SLC7A11: variants seen among roughly 807,000 people sequenced by gnomAD.
The protein encoded by SLC7A11 is cystine/glutamate transporter.
A neutral mutation model predicts 54.5 loss-of-function variants in SLC7A11; 35 were observed. The observed-to-expected ratio is 0.64, with a 90% CI of 0.49 to 0.85. SLC7A11 has a LOEUF of 0.85. SLC7A11 is among the 40% of genes least tolerant of loss of function. The pLI is 0.00. For missense variants in SLC7A11, 583 were observed against 618.1 expected, an observed-to-expected ratio of 0.94 and a Z score of 0.60; for synonymous variants, 230 against 225.2, an observed-to-expected ratio of 1.02 and a Z score of -0.19.
intron 6 of SLC7A11, among the ~76,000 whole-genome samples, chr4:138,206,234 GTC>G (rs919327129): frequency 1.3e-5 from 2 of 149,974 alleles, no homozygotes; most frequent in Non-Finnish European, 3.0e-5. Flanking sequence ...CTCTCTCTCT[GTC>G]TCTCTCTCTC....
At chr4:138,184,149 T>C (rs576019772) in intron 7 of SLC7A11, among the ~76,000 whole-genome samples, 3 of 152,256 alleles carry the variant, frequency 2.0e-5, no homozygotes, top group Admixed American at 6.5e-5. Flanking sequence ...GCCCTTTGTC[T>C]CAAAAGATGA....
intron 3 of SLC7A11, among the ~76,000 whole-genome samples, chr4:138,231,837 G>A (rs772863889): frequency 5.0e-4 from 76 of 152,000 alleles, no homozygotes; most frequent in Non-Finnish European, 3.8e-4. Context: ...TATAACACTG[G>A]GAGTGACAGC....
rs752680028 is a variant in SLC7A11, at chr4:138,170,271, T to TATACACACACACACACAATATATATAC, written c.*1684_*1685insGTATATATATTGTGTGTGTGTGTGTAT. 1 of 86,210 alleles carries TATACACACACACACACAATATATATAC rather than the reference T, an allele frequency of 1.2e-5. No individual in the cohort carries two copies. The highest frequency in any genetic ancestry group is 4.2e-5 in the African/African-American group (1 of 23,752). The allele number at this position is 86,210 out of a possible 1,614,324, so 5.3% of individuals were successfully genotyped here. A position where few individuals can be genotyped will look rare whatever the true frequency, so the allele number is the denominator to read the frequency against. ...GTGTGTATATATATATATATATATA[T>TATACACACACACACACAATATATATAC]ACACACACACACACACACACACATA... On this transcript the variant is annotated 3_prime_UTR_variant, in exon 12 of 12. Coordinates refer to ENST00000280612, the MANE Select transcript of SLC7A11 (RefSeq NM_014331.4).
chr4:138,197,444 C>G (rs1194275047), intron 6 of SLC7A11, among the ~76,000 whole-genome samples: 1 of 151,916 alleles, frequency 6.6e-6, no homozygotes, highest in Non-Finnish European at 1.5e-5. Flanking sequence ...TGGGAAGTTA[C>G]TTTAATTAGT....
At chr4:138,214,282 T>G (rs1326853724) in intron 6 of SLC7A11, among the ~76,000 whole-genome samples, 1 of 152,032 alleles carries the variant, frequency 6.6e-6, no homozygotes, top group African/African-American at 2.4e-5. Context: ...TATATGTATG[T>G]GTTTATATGG....
intron 2 of SLC7A11, among the ~76,000 whole-genome samples, chr4:138,235,851 T>G (rs932182593): frequency 6.6e-6 from 1 of 152,226 alleles, no homozygotes; most frequent in African/African-American, 2.4e-5. Context: ...GCAAACTCTG[T>G]TTTTTATGAA....
chr4:138,210,998 G>A (rs184493000), intron 6 of SLC7A11, among the ~76,000 whole-genome samples: 10 of 152,074 alleles, frequency 6.6e-5, no homozygotes, highest in African/African-American at 2.4e-4. Context: ...ATCAACTTTA[G>A]TTCCCATCAA....
In SLC7A11 at chr4:138,219,457, T is replaced by C. The variant is rs182820668; in HGVS notation, c.647-92A>G. On this transcript the variant is annotated intron_variant, in intron 4 of 11. Coordinates refer to ENST00000280612, the MANE Select transcript of SLC7A11 (RefSeq NM_014331.4). ...AACATGGGGGTGCGGAGAAACATAC[T>C]GTTGTAAGTCTAGATTTCTTACTCT... 5,215 of 722,282 alleles carry C rather than the reference T, an allele frequency of 7.2e-3. 27 individuals carry two copies. Among genetic ancestry groups the C allele is most frequent in the Non-Finnish European group, 0.01 (4,198 of 410,772 alleles). 44.7% of individuals were successfully genotyped at this position (722,282 alleles called of 1,614,324 possible).
At chr4:138,237,741 T>A (rs79332216) in intron 1 of SLC7A11, among the ~76,000 whole-genome samples, 328 of 13,326 alleles carry the variant, frequency 0.025, no homozygotes, top group East Asian at 0.043. Flanking sequence ...ATATATATTT[T>A]TTTTTTTTTT....
chr4:138,199,015 G>C (rs1178750254), intron 6 of SLC7A11, among the ~76,000 whole-genome samples: 1 of 152,094 alleles, frequency 6.6e-6, no homozygotes, highest in Admixed American at 6.6e-5. Context: ...GGGCACACTT[G>C]GAAGAACCTT....
At chr4:138,193,932 C>T (rs1422973392) in intron 6 of SLC7A11, among the ~76,000 whole-genome samples, 1 of 152,094 alleles carries the variant, frequency 6.6e-6, no homozygotes, top group Non-Finnish European at 1.5e-5. Flanking sequence ...TCTATTCATA[C>T]TCTTAGAGTA....
rs939606225 is a variant in SLC7A11 at position 138,171,973 on chromosome 4, C to G, written c.1489G>C (p.Glu497Gln). Reference sequence around the variant, plus strand: ...CCATTAGTTCATAACTTATCTTCTTCTGGTACAACTTCCAGTATTATTTGT... The same window carrying G: ...CCATTAGTTCATAACTTATCTTCTTGTGGTACAACTTCCAGTATTATTTGT... ...TLQIILEVVP[E>Q]EDKL The change falls in exon 12 of 12, where the codon GAA becomes CAA. Residue 497 changes from glutamate (E) to glutamine (Q), a missense_variant. Transcript: ENST00000280612. The G allele has an allele frequency of 7.5e-6, 12 of 1,596,486 alleles. No homozygotes were observed. In the Middle Eastern group the frequency reaches 8.3e-4, roughly 110 times the overall value.
At position 138,164,807 on chromosome 4, in the gene SLC7A11, G is replaced by T. The variant is rs1208981889; in HGVS notation, c.*7149C>A. Reference sequence around the variant, plus strand: ...TCTGTTCTTGTGTTTTCAATCACTAGACCAAACCCACGATGCCCCTGAAAT... The same window carrying T: ...TCTGTTCTTGTGTTTTCAATCACTATACCAAACCCACGATGCCCCTGAAAT... On this transcript the variant is annotated 3_prime_UTR_variant, in exon 12 of 12. Transcript: ENST00000280612. The T allele has an allele frequency of 1.3e-5, 2 of 151,944 alleles. No homozygotes were observed. The highest frequency in any genetic ancestry group is 2.9e-5 in the Non-Finnish European group (2 of 67,956). The allele number at this position is 151,944 out of a possible 1,614,324, so 9.4% of individuals were successfully genotyped here. A position where few individuals can be genotyped will look rare whatever the true frequency, so the allele number is the denominator to read the frequency against.
intron 2 of SLC7A11, among the ~76,000 whole-genome samples, chr4:138,235,305 A>T (rs1439906464): frequency 1.3e-5 from 2 of 152,204 alleles, no homozygotes; most frequent in African/African-American, 4.8e-5. Flanking sequence ...AAGGAAAAAA[A>T]TACTTATTAT....
intron 2 of SLC7A11, among the ~76,000 whole-genome samples, 172 bp downstream of exon 2, chr4:138,236,152 TA>T (rs1286345906): frequency 7.9e-5 from 12 of 152,184 alleles, no homozygotes; most frequent in African/African-American, 2.2e-4. Context: ...AAAATTGCAT[TA>T]AAAATATCTT....
chr4:138,223,354 G>A (rs1737863013), intron 3 of SLC7A11, 30 bp from the exon 4 acceptor site: 1 of 1,609,702 alleles, frequency 6.2e-7, no homozygotes, highest in Non-Finnish European at 8.5e-7. Flanking sequence ...GTTACAAAAG[G>A]TGAATTCTCA....
intron 2 of SLC7A11, among the ~76,000 whole-genome samples, 180 bp downstream of exon 2, chr4:138,236,145 A>C (rs1005599453): frequency 2.6e-5 from 4 of 152,206 alleles, no homozygotes; most frequent in African/African-American, 9.6e-5. Context: ...CAGTGATAAA[A>C]TTGCATTAAA....
At chr4:138,181,679 T>C (rs192565598) in intron 9 of SLC7A11, among the ~76,000 whole-genome samples, 11 of 152,228 alleles carry the variant, frequency 7.2e-5, no homozygotes, top group African/African-American at 2.4e-4. Context: ...GAATATAACA[T>C]TGCCAATGGG....
rs201975214 is a variant in SLC7A11, at chr4:138,241,851, C to A, written c.219G>T (p.Thr73=). 92 of 1,614,010 alleles carry A rather than the reference C, an allele frequency of 5.7e-5. No homozygotes were observed. Among genetic ancestry groups the A allele is most frequent in the Non-Finnish European group, 7.5e-5 (89 of 1,180,032 alleles). The change falls in exon 1 of 12, where the codon ACG becomes ACT. Residue 73 remains threonine (T), a synonymous_variant. Transcript: ENST00000280612. ...TGGTCAGAGACATGCCCACGCTGCC[C>A]GTGTTCTGGAGCACGCCCTTAGGAG... The part of the protein sequence containing the change: ...FISPKGVLQN[T]GSVGMSLTIW...
Sources: gnomAD v4.1 joint callset for allele counts (sites outside exome capture counted in the v4.1 genomes callset) on GRCh38, gnomAD v4.1.1 for gene constraint, MANE v1.5 for transcripts, NCBI Gene and HGNC (gene_info 2026-07-23, HGNC 2026-07-21) for gene names.